The following SNX16 variants were observed in gnomAD, a reference collection of about 807,000 sequenced individuals.
SNX16 encodes sorting nexin-16.
Under a neutral mutation model 36.7 loss-of-function variants are expected in SNX16, and 35 were observed. That is an observed-to-expected ratio of 0.95 (90% CI 0.73 to 1.27). The LOEUF (loss-of-function observed/expected upper bound fraction) is 1.27, where lower values mean the gene tolerates loss of function less well. Ranked by LOEUF, SNX16 falls within the 50% of genes most tolerant of loss-of-function variation. SNX16 has a pLI of 0.00. For missense variants in SNX16, 367 were observed against 393.6 expected, an observed-to-expected ratio of 0.93 and a Z score of 0.57; for synonymous variants, 134 against 132.0, an observed-to-expected ratio of 1.02 and a Z score of -0.10.
In SNX16 at chr8:81,823,846, A is replaced by G. The variant is rs900866661; in HGVS notation, c.557T>C (p.Leu186Ser). 1 of 1,612,024 alleles carries G rather than the reference A, an allele frequency of 6.2e-7. No homozygotes were observed. The highest frequency in any genetic ancestry group is 8.5e-7 in the Non-Finnish European group (1 of 1,178,996). Residue 186 changes from leucine (L) to serine (S), a missense_variant, in exon 4 of 8, where the codon TTA becomes TCA. Transcript: ENST00000345957. Reference protein sequence around the residue: ...YNADFLEDRQLGLQAFLQNLV... With the variant: ...YNADFLEDRQSGLQAFLQNLV... Reference sequence around the variant, plus strand: ...ATTTTGAAGAAACGCTTGTAATCCTAATTGTCTGTCTTCTAAAAAGTCAGC... The same window carrying G: ...ATTTTGAAGAAACGCTTGTAATCCTGATTGTCTGTCTTCTAAAAAGTCAGC...
At chr8:81,822,926 G>GTATATATATATATACATATACATATATA (rs1810814003) in intron 4 of SNX16, among the ~76,000 whole-genome samples, 1 of 130,198 alleles carries the variant, frequency 7.7e-6, no homozygotes. Flanking sequence ...AGCAAGATGT[G>GTATATATATATATACATATACATATATA]TATATATATA....
At chr8:81,830,704 G>T (rs1811226652) in intron 2 of SNX16, among the ~76,000 whole-genome samples, 1 of 150,714 alleles carries the variant, frequency 6.6e-6, no homozygotes, top group African/African-American at 2.4e-5. Context: ...GCAGTCTATA[G>T]ATTCAATGGT....
chr8:81,816,181 C>CTTTT lies in SNX16; in HGVS notation c.612-791_612-788dup, dbSNP rs777491714. On this transcript the variant is annotated intron_variant, in intron 4 of 7. Coordinates refer to ENST00000345957, the MANE Select transcript of SNX16 (RefSeq NM_152836.3). The stretch of plus-strand genomic sequence containing the variant: ...CAAATTTCCTTTTACAAAGGATTTT[C>CTTTT]TTTTTTTTTTTTTTTAAGACGAGTC... Among the ~76,000 whole-genome samples, 28 of 137,806 alleles carry CTTTT rather than the reference C, an allele frequency of 2.0e-4. 3 individuals are homozygous for CTTTT. Among genetic ancestry groups the CTTTT allele is most frequent in the Non-Finnish European group, 2.0e-4 (13 of 63,940 alleles). 90.4% of individuals were successfully genotyped at this position (137,806 alleles called of 152,430 possible).
In SNX16 at chr8:81,802,512, T is replaced by A. The variant is rs750486768; in HGVS notation, c.819-13A>T. On this transcript the variant is annotated splice_polypyrimidine_tract_variant and intron_variant, in intron 6 of 7. Coordinates refer to ENST00000345957, the MANE Select transcript of SNX16 (RefSeq NM_152836.3). ...TAAAGACAATGTTCTAAAAGTATGT[T>A]ATAGCAACAAGTTATTTTCTATGAA... 1.3e-6 allele frequency: 2 copies of A among 1,596,392 alleles called. No individual in the cohort carries two copies. The highest frequency in any genetic ancestry group is 3.5e-5 in the Admixed American group (2 of 57,050).
intron 5 of SNX16, among the ~76,000 whole-genome samples, chr8:81,806,760 C>T (rs971171301): frequency 2.0e-5 from 3 of 151,792 alleles, no homozygotes; most frequent in African/African-American, 7.3e-5. Context: ...ATATGATTAC[C>T]GATATGGAAA....
At chr8:81,807,698 A>G in intron 5 of SNX16, 1 of 576,948 alleles carries the variant, frequency 1.7e-6, no homozygotes, top group Non-Finnish European at 3.2e-6. Context: ...AAAAGATCTG[A>G]GGTCAGCTTG....
chr8:81,820,608 G>GCA (rs1472496819), intron 4 of SNX16, among the ~76,000 whole-genome samples: 5,168 of 151,692 alleles, frequency 0.034, 143 homozygotes, highest in Non-Finnish European at 0.052. Context: ...CTAATTATTT[G>GCA]TTTCTGACTT....
chr8:81,820,593 A>AAT (rs770447276), intron 4 of SNX16, among the ~76,000 whole-genome samples: 5,174 of 152,052 alleles, frequency 0.034, 142 homozygotes, highest in Non-Finnish European at 0.052. Flanking sequence ...CTTTCTATAT[A>AAT]CTTTCTAATT....
chr8:81,802,347 G>A, intron 7 of SNX16, 33 bp downstream of exon 7: 1 of 1,548,874 alleles, frequency 6.5e-7, no homozygotes. Flanking sequence ...AATTATTCAA[G>A]AATTAAGCTA....
At chr8:81,808,295 G>C in intron 5 of SNX16, 2 of 1,162,126 alleles carry the variant, frequency 1.7e-6, no homozygotes, top group South Asian at 1.2e-5. Context: ...GGCCACAACT[G>C]TGAAGTTAGG....
At chr8:81,807,834 G>A in intron 5 of SNX16, 1 of 761,662 alleles carries the variant, frequency 1.3e-6, no homozygotes, top group East Asian at 2.5e-5. Context: ...CTGGAAGGTT[G>A]AGTTTTGAAA....
rs71519100 is a variant in SNX16 at position 81,807,352 on chromosome 8, C to G, written c.682-4124G>C. Among the ~76,000 whole-genome samples the G allele has an allele frequency of 9.9e-5, 15 of 151,562 alleles. No individual in the cohort carries two copies. In the South Asian group the frequency reaches 3.1e-3, roughly 32 times the overall value. On this transcript the variant is annotated intron_variant, in intron 5 of 7. Transcript: ENST00000345957. ...TGGCCAACATGAAGAAACTCCGTCT[C>G]TACTAAAAATACAAAAATTAGCTGG...
At chr8:81,811,342 G>T (rs1810239602) in intron 5 of SNX16, among the ~76,000 whole-genome samples, 1 of 152,112 alleles carries the variant, frequency 6.6e-6, no homozygotes, top group Non-Finnish European at 1.5e-5. Context: ...GGACAACAGA[G>T]CCCATATGCG....
chr8:81,821,606 T>C (rs1290063352), intron 4 of SNX16, among the ~76,000 whole-genome samples: 1 of 152,124 alleles, frequency 6.6e-6, no homozygotes, highest in African/African-American at 2.4e-5. Flanking sequence ...TTTCTCTTTT[T>C]TCTTTTGAGA....
chr8:81,832,594 C>T (rs1185020939), intron 2 of SNX16, among the ~76,000 whole-genome samples: 1 of 151,612 alleles, frequency 6.6e-6, no homozygotes, highest in Non-Finnish European at 1.5e-5. Context: ...GCTTGAAATA[C>T]CAAAAAACCC....
At chr8:81,820,302 T>C (rs968900305) in intron 4 of SNX16, among the ~76,000 whole-genome samples, 4 of 152,108 alleles carry the variant, frequency 2.6e-5, no homozygotes, top group Non-Finnish European at 5.9e-5. Context: ...CTTTGTTGGA[T>C]ACAATCAAGC....
intron 4 of SNX16, chr8:81,815,632 A>G: frequency 2.9e-6 from 1 of 342,792 alleles, no homozygotes; most frequent in South Asian, 3.7e-5. Context: ...GGGGCATAAA[A>G]CATACTTCAC....
At position 81,823,779 on chromosome 8, in the gene SNX16, A is replaced by G. The variant is rs1253800377; in HGVS notation, c.611+13T>C. On this transcript the variant is annotated intron_variant, in intron 4 of 7. Transcript: ENST00000345957. Reference sequence around the variant, plus strand: ...AATGCTTTTATAATCTCTTATTTCAATTCGTTACATACCAGTTAGCAATGT... The same window carrying G: ...AATGCTTTTATAATCTCTTATTTCAGTTCGTTACATACCAGTTAGCAATGT... 1.9e-6 allele frequency: 3 copies of G among 1,577,232 alleles called. No individual in the cohort carries two copies. In the East Asian group the frequency reaches 6.8e-5, roughly 36 times the overall value.
At chr8:81,830,885 C>T (rs1032751312) in intron 2 of SNX16, among the ~76,000 whole-genome samples, 3 of 152,112 alleles carry the variant, frequency 2.0e-5, no homozygotes, top group Non-Finnish European at 4.4e-5. Context: ...CCTACAATAA[C>T]CAAAACAGCA....
Sources: gnomAD v4.1 joint callset for allele counts (sites outside exome capture counted in the v4.1 genomes callset) on GRCh38, gnomAD v4.1.1 for gene constraint, MANE v1.5 for transcripts, NCBI Gene and HGNC (gene_info 2026-07-23, HGNC 2026-07-21) for gene names.